CHD9: variants seen among roughly 807,000 people sequenced by gnomAD.
CHD9 encodes the protein chromodomain helicase DNA binding protein 9.
Under a neutral mutation model 316.1 loss-of-function variants are expected in CHD9, and 77 were observed. That is an observed-to-expected ratio of 0.24 (90% CI 0.20 to 0.29). The LOEUF (loss-of-function observed/expected upper bound fraction) is 0.29, where lower values mean the gene tolerates loss of function less well. CHD9 is among the 10% of genes least tolerant of loss of function. The probability of loss-of-function intolerance (pLI) is 1.00; values close to 1 mark genes in which losing one functional copy is unlikely to be tolerated. For synonymous variants in CHD9, 1,129 were observed against 1,158.3 expected (o/e 0.97, Z 0.51); for missense variants, 2,763 against 3,438.1 (o/e 0.80, Z 4.91).
At chr16:53,208,397 A>G (rs1265602100) in intron 2 of CHD9, 2 of 1,275,020 alleles carry the variant, frequency 1.6e-6, no homozygotes, top group Non-Finnish European at 2.0e-6. Flanking sequence ...TTTGGGCTAA[A>G]AGGCTAATGG....
chr16:53,222,399 G>A (rs762131337), intron 3 of CHD9, among the ~76,000 whole-genome samples: 17 of 152,092 alleles, frequency 1.1e-4, no homozygotes, highest in Non-Finnish European at 2.2e-4. Flanking sequence ...GTGTTTAGAA[G>A]TACATTAATT....
At chr16:53,247,591 TA>T (rs2049742900) in intron 16 of CHD9, 88 bp downstream of exon 16, 1 of 860,724 alleles carries the variant, frequency 1.2e-6, no homozygotes, top group African/African-American at 1.7e-5. Context: ...ACTTTACTCA[TA>T]TCTTTCTCTT....
At chr16:53,083,155 A>G (rs541392231) in intron 1 of CHD9, among the ~76,000 whole-genome samples, 22 of 152,320 alleles carry the variant, frequency 1.4e-4, no homozygotes, top group Non-Finnish European at 2.8e-4. Context: ...AGGGTATTGT[A>G]TTTCCTGAAG....
intron 37 of CHD9, chr16:53,319,870 C>T (rs954139847): frequency 2.0e-5 from 24 of 1,218,150 alleles, no homozygotes; most frequent in Non-Finnish European, 2.4e-5. Context: ...CCCCATAAAC[C>T]CCCAAGAGGG....
At position 53,174,381 on chromosome 16, in the gene CHD9, A is replaced by C. The variant is rs562122406; in HGVS notation, c.1452+16840A>C. Among the ~76,000 whole-genome samples, 3 of 152,250 alleles carry C rather than the reference A, an allele frequency of 2.0e-5. No individual in the cohort carries two copies. The East Asian group carries it at 5.8e-4, about 29-fold the overall frequency. ...AATTCCATTGTAATCAGAGTACATA[A>C]TTTGTATGTTTTAAATTTGTTTACA... On this transcript the variant is annotated intron_variant, in intron 2 of 38. Transcript: ENST00000447540.
chr16:53,178,295 G>T (rs2043223910), intron 2 of CHD9, among the ~76,000 whole-genome samples: 1 of 152,106 alleles, frequency 6.6e-6, no homozygotes, highest in African/African-American at 2.4e-5. Context: ...GTTGGTGAGA[G>T]ATGTGGATAG....
intron 2 of CHD9, among the ~76,000 whole-genome samples, chr16:53,165,858 C>G (rs1161935544): frequency 6.6e-6 from 1 of 151,924 alleles, no homozygotes; most frequent in Non-Finnish European, 1.5e-5. Flanking sequence ...CTACTTTTGC[C>G]CTAAGCAAAA....
intron 1 of CHD9, among the ~76,000 whole-genome samples, chr16:53,113,103 G>A (rs2037993779): frequency 6.6e-6 from 1 of 152,146 alleles, no homozygotes; most frequent in Non-Finnish European, 1.5e-5. Flanking sequence ...AGGATCACTT[G>A]AGCCTGGGAG....
chr16:53,303,666 T>G, intron 30 of CHD9, 54 bp from the exon 31 acceptor site: 1 of 1,268,408 alleles, frequency 7.9e-7, no homozygotes, highest in Non-Finnish European at 1.1e-6. Context: ...AATGATTTAT[T>G]TATAAATAAA....
Position 53,268,080 on chromosome 16 carries a change from T to A in CHD9, c.4671T>A (p.Ile1557=), listed in dbSNP as rs767340638. Residue 1557 remains isoleucine (I), a synonymous_variant, in exon 22 of 39, where the codon ATT becomes ATA. Coordinates refer to ENST00000447540, the MANE Select transcript of CHD9 (RefSeq NM_001308319.2). ...EKIKGFIWDL[I]TPTEDGQTRE... Reference sequence around the variant, plus strand: ...TTAAAGGTTTCATATGGGATCTCATTACTCCAACTGAAGATGGACAGACAC... The same window carrying A: ...TTAAAGGTTTCATATGGGATCTCATAACTCCAACTGAAGATGGACAGACAC... 5.6e-6 allele frequency: 9 copies of A among 1,612,736 alleles called. No homozygotes were observed. The highest frequency in any genetic ancestry group is 6.8e-6 in the Non-Finnish European group (8 of 1,179,248).
chr16:53,080,762 C>T (rs1471213866), intron 1 of CHD9, among the ~76,000 whole-genome samples: 1 of 152,166 alleles, frequency 6.6e-6, no homozygotes, highest in Non-Finnish European at 1.5e-5. Context: ...GCCAAGTCTC[C>T]ACCCCTCTCC....
At chr16:53,069,412 C>G (rs1279351730) in intron 1 of CHD9, among the ~76,000 whole-genome samples, 1 of 152,202 alleles carries the variant, frequency 6.6e-6, no homozygotes, top group Non-Finnish European at 1.5e-5. Context: ...AACTCTGTCC[C>G]CATTAAACAA....
rs2054870904 is a variant in CHD9 at position 53,297,025 on chromosome 16, C to T, written c.5580C>T (p.Asp1860=). 1.2e-6 allele frequency: 2 copies of T among 1,612,972 alleles called. No individual in the cohort carries two copies. The highest frequency in any genetic ancestry group is 1.7e-5 in the Admixed American group (1 of 59,974). The part of the protein sequence containing the change: ...VSTFGVVFDP[D]RGQFDWTKFR... Reference sequence around the variant, plus strand: ...CATTTGGAGTGGTTTTTGACCCTGACAGAGGCCAATTTGATTGGACAAAAT... The same window carrying T: ...CATTTGGAGTGGTTTTTGACCCTGATAGAGGCCAATTTGATTGGACAAAAT... Residue 1860 remains aspartate (D), a synonymous_variant, in exon 30 of 39, where the codon GAC becomes GAT. Coordinates refer to ENST00000447540, the MANE Select transcript of CHD9 (RefSeq NM_001308319.2).
At chr16:53,092,201 C>G (rs4784292) in intron 1 of CHD9, among the ~76,000 whole-genome samples, 18,269 of 152,216 alleles carry the variant, frequency 0.12, 1,510 homozygotes, top group East Asian at 0.44. Flanking sequence ...CAGCCAAGCC[C>G]TGGAGAGCTG....
rs887867894 is a variant in CHD9 at position 53,109,683 on chromosome 16, T to TTTTC, written c.-164-46240_-164-46239insCTTT. ...AAATTTGGATTCCCAGTTTCTTTTT[T>TTTTC]TTTTTTTTTTTTTTTTTTTGAGATG... On this transcript the variant is annotated intron_variant, in intron 1 of 38. Coordinates refer to ENST00000447540, the MANE Select transcript of CHD9 (RefSeq NM_001308319.2). Among the ~76,000 whole-genome samples the TTTTC allele has an allele frequency of 3.2e-5, 3 of 92,376 alleles. No homozygotes were observed. The East Asian group carries it at 8.5e-4, about 26-fold the overall frequency. 60.6% of individuals were successfully genotyped at this position (92,376 alleles called of 152,430 possible).
At chr16:53,160,855 C>T in intron 2 of CHD9, among the ~76,000 whole-genome samples, 1 of 152,250 alleles carries the variant, frequency 6.6e-6, no homozygotes, top group East Asian at 1.9e-4. Flanking sequence ...TGTGATGAGC[C>T]AAGATCACAC....
intron 1 of CHD9, among the ~76,000 whole-genome samples, chr16:53,092,752 G>T (rs1348628993): frequency 6.6e-6 from 1 of 151,990 alleles, no homozygotes. Flanking sequence ...TTTTCCAGAG[G>T]CACCTGCACC....
At chr16:53,113,146 T>G (rs2037997642) in intron 1 of CHD9, among the ~76,000 whole-genome samples, 1 of 152,164 alleles carries the variant, frequency 6.6e-6, no homozygotes, top group Admixed American at 6.5e-5. Context: ...ATTGTACCAC[T>G]GCAATCCAGC....
At chr16:53,262,930 A>G in intron 19 of CHD9, 57 bp from the exon 20 acceptor site, 1 of 1,280,518 alleles carries the variant, frequency 7.8e-7, no homozygotes, top group Non-Finnish European at 1.1e-6. Context: ...TGAGGAGATA[A>G]TGTTTTAAGT....
Sources: allele counts gnomAD v4.1 joint callset (sites outside exome capture counted in the v4.1 genomes callset), GRCh38; gene constraint gnomAD v4.1.1; transcripts MANE v1.5; gene names NCBI Gene and HGNC (gene_info 2026-07-23, HGNC 2026-07-21).